Variants in AMZ1 observed in about 807,000 individuals in gnomAD.
AMZ1 encodes archaemetzincin-1.
AMZ1 carries 39 observed loss-of-function variants against 29.9 expected under a neutral mutation model. That is an observed-to-expected ratio of 1.30 (90% CI 1.01 to 1.70). The LOEUF (loss-of-function observed/expected upper bound fraction) is 1.70. Among genes scored for constraint, AMZ1 ranks in the 40% most tolerant of loss-of-function variants. AMZ1 has a pLI of 0.00. For synonymous variants in AMZ1, 458 were observed against 304.0 expected (o/e 1.51, Z -5.27); for missense variants, 1,041 against 680.6 (o/e 1.53, Z -5.89).
chr7:2,709,833 C>T lies in AMZ1; in HGVS notation c.948+17C>T, dbSNP rs754071943. On this transcript the variant is annotated intron_variant, in intron 6 of 6. Transcript: ENST00000683327. ...AGGTACCAGGTGAGTGGCTGAGTTG[C>T]GCTGCCCGGCTGCTGGGACCTGCGC... 9.3e-6 allele frequency: 15 copies of T among 1,609,904 alleles called. No homozygotes were observed. Among genetic ancestry groups the T allele is most frequent in the Admixed American group, 3.4e-5 (2 of 59,690 alleles).
rs980047245 is a variant in AMZ1 at position 2,712,941 on chromosome 7, G to A, written c.*63G>A. ...TGCTGGCCAGCACTGTCCAGTAGCT[G>A]AGGCCACTACTGACCTGCCAGGGAT... On this transcript the variant is annotated 3_prime_UTR_variant, in exon 7 of 7. Transcript: ENST00000683327. The A allele has an allele frequency of 4.8e-6, 7 of 1,462,614 alleles. No individual in the cohort carries two copies. The highest frequency in any genetic ancestry group is 6.3e-6 in the Non-Finnish European group (7 of 1,104,350). The allele number at this position is 1,462,614 out of a possible 1,614,324, so 90.6% of individuals were successfully genotyped here. A position where few individuals can be genotyped will look rare whatever the true frequency, so the allele number is the denominator to read the frequency against.
chr7:2,744,156 A>G (rs1790649041), intron 4 of AMZ1, among the ~76,000 whole-genome samples: 2 of 152,238 alleles, frequency 1.3e-5, no homozygotes, highest in Non-Finnish European at 2.9e-5. Context: ...CCCGTCTGAC[A>G]GCTTTGAAGA....
intron 1 of AMZ1, among the ~76,000 whole-genome samples, chr7:2,693,824 A>G (rs3996392): frequency 0.62 from 94,771 of 152,120 alleles, 30,632 homozygotes; most frequent in African/African-American, 0.81. Flanking sequence ...CAAAGTGCTG[A>G]GAATGCAGGC....
intron 1 of AMZ1, among the ~76,000 whole-genome samples, chr7:2,692,412 G>T (rs918185913): frequency 4.6e-5 from 7 of 152,182 alleles, no homozygotes; most frequent in African/African-American, 1.4e-4. Context: ...TGTGGTGGCG[G>T]GCGCCTTTAG....
In AMZ1 at chr7:2,731,112, A is replaced by T; in HGVS notation, n.550+21296A>T. ...CCCACTCAAGGACCACACAGACAACACACACCCAAGAGTCTGACCGACAGC... is the reference window on the plus strand; with the variant it reads ...CCCACTCAAGGACCACACAGACAACTCACACCCAAGAGTCTGACCGACAGC... On this transcript the variant is annotated intron_variant and non_coding_transcript_variant, in intron 4 of 4. Coordinates refer to the AMZ1 transcript ENST00000489665. This position sits in a 1 kb window ranked among gnomAD's most constrained non-coding sequence, Gnocchi z 6.0. 1 of 1,053,370 alleles carries T rather than the reference A, an allele frequency of 9.5e-7. No individual in the cohort carries two copies. Among genetic ancestry groups the T allele is most frequent in the Non-Finnish European group, 1.4e-6 (1 of 704,896 alleles). The allele number at this position is 1,053,370 out of a possible 1,614,324, so 65.3% of individuals were successfully genotyped here. A position where few individuals can be genotyped will look rare whatever the true frequency, so the allele number is the denominator to read the frequency against.
intron 4 of AMZ1, chr7:2,733,435 G>C: frequency 6.2e-7 from 1 of 1,611,544 alleles, no homozygotes; most frequent in Non-Finnish European, 8.5e-7. Flanking sequence ...TTCTTCGGGC[G>C]GGCGTGCTTA....
chr7:2,725,468 G>A (rs973597305), intron 4 of AMZ1, among the ~76,000 whole-genome samples: 23 of 152,194 alleles, frequency 1.5e-4, no homozygotes, highest in African/African-American at 4.1e-4. Context: ...TCAATATGGC[G>A]CCCTGAACAC....
At chr7:2,692,049 C>A (rs1443117510) in intron 1 of AMZ1, among the ~76,000 whole-genome samples, 1 of 152,338 alleles carries the variant, frequency 6.6e-6, no homozygotes, top group East Asian at 1.9e-4. Flanking sequence ...AGTGGAAGGT[C>A]TGGGAGCGAG....
At chr7:2,756,040 A>T (rs546220737) in intron 4 of AMZ1, among the ~76,000 whole-genome samples, 9 of 152,242 alleles carry the variant, frequency 5.9e-5, no homozygotes, top group Non-Finnish European at 1.0e-4. Context: ...CAACGTTTTC[A>T]TAATACCAAC....
intron 1 of AMZ1, among the ~76,000 whole-genome samples, chr7:2,689,356 C>G (rs1013375842): frequency 2.7e-5 from 4 of 149,214 alleles, no homozygotes; most frequent in Non-Finnish European, 4.5e-5. Flanking sequence ...TTGCTTAGAG[C>G]GGCAGAACCT....
At chr7:2,709,440 G>GCCTCCCCAGGA (rs1299379022) in intron 5 of AMZ1, among the ~76,000 whole-genome samples, 196 bp downstream of exon 5, 1 of 151,912 alleles carries the variant, frequency 6.6e-6, no homozygotes, top group Non-Finnish European at 1.5e-5. Flanking sequence ...ATCCTGTGTG[G>GCCTCCCCAGGA]CCTCCCACCC....
rs150554846 is a variant in AMZ1, at chr7:2,717,983, G to C, written c.*5105G>C. On this transcript the variant is annotated 3_prime_UTR_variant, in exon 7 of 7. Transcript: ENST00000683327. ...GTCACCGGAGTCGAGCAAACACGGC[G>C]GCCCCTGCCTCCCCCGGCGGCTCCA... is the stretch of plus-strand genomic sequence containing the variant. 1.6e-3 allele frequency among the ~76,000 whole-genome samples: 245 copies of C among 152,284 alleles called. 2 individuals carry two copies. Among genetic ancestry groups the C allele is most frequent in the African/African-American group, 5.6e-3 (231 of 41,556 alleles).
chr7:2,733,321 C>T (rs138228713), intron 4 of AMZ1: 7 of 740,926 alleles, frequency 9.4e-6, no homozygotes, highest in East Asian at 2.7e-5. Context: ...CAGTACTATT[C>T]GTGGTAATGT....
chr7:2,688,636 C>G (rs1023980229), intron 1 of AMZ1, among the ~76,000 whole-genome samples: 2 of 152,164 alleles, frequency 1.3e-5, no homozygotes, highest in African/African-American at 4.8e-5. Flanking sequence ...GGGGACGGGT[C>G]GGGAATCCAG....
intron 4 of AMZ1, among the ~76,000 whole-genome samples, chr7:2,745,494 T>A (rs11976243): frequency 0.015 from 2,331 of 152,286 alleles, 53 homozygotes; most frequent in African/African-American, 0.052. Context: ...CCACCAGGCC[T>A]GCCCTAAAAG....
At chr7:2,727,912 C>T (rs867521001) in intron 4 of AMZ1, among the ~76,000 whole-genome samples, 1 of 149,738 alleles carries the variant, frequency 6.7e-6, no homozygotes, top group South Asian at 2.1e-4. Flanking sequence ...AAAAAATTAG[C>T]TGGGTGTGGT....
intron 4 of AMZ1, among the ~76,000 whole-genome samples, chr7:2,755,018 C>T (rs1187998338): frequency 1.3e-5 from 2 of 152,202 alleles, no homozygotes; most frequent in African/African-American, 2.4e-5. Flanking sequence ...CAGTCCAGCA[C>T]CCTTTGTTGA....
intron 4 of AMZ1, 94 bp from the exon 5 acceptor site, chr7:2,708,981 C>T: frequency 2.1e-6 from 3 of 1,430,924 alleles, no homozygotes; most frequent in Non-Finnish European, 2.8e-6. Context: ...TGGGCCATGG[C>T]CAGCTTGCAT....
chr7:2,736,629 G>A (rs1271160067), intron 4 of AMZ1, among the ~76,000 whole-genome samples: 1 of 152,240 alleles, frequency 6.6e-6, no homozygotes, highest in Non-Finnish European at 1.5e-5. Context: ...ACACTGGGCA[G>A]GACCTAGGCC....
Sources: allele counts gnomAD v4.1 joint callset (sites outside exome capture counted in the v4.1 genomes callset), GRCh38; gene constraint gnomAD v4.1.1; non-coding constraint Gnocchi (gnomAD v3.1); transcripts MANE v1.5; gene names NCBI Gene and HGNC (gene_info 2026-07-23, HGNC 2026-07-21).